LIAT1: variants seen among roughly 807,000 people sequenced by gnomAD.
The protein encoded by LIAT1 is ligand of ATE1, also known as protein LIAT1.
the LIAT1 span, among the ~76,000 whole-genome samples, chr17:411,493 C>T: frequency 6.6e-6 from 1 of 152,260 alleles, no homozygotes; most frequent in African/African-American, 2.4e-5. Context: ...ATGATCGCAC[C>T]ATTGCACTCC....
the LIAT1 span, chr17:410,618 G>T: frequency 6.5e-7 from 1 of 1,543,284 alleles, no homozygotes. Context: ...AAAGGAAGAA[G>T]AAGACCAAGG....
the LIAT1 span, among the ~76,000 whole-genome samples, chr17:411,821 G>A: frequency 6.6e-6 from 1 of 152,184 alleles, no homozygotes; most frequent in Non-Finnish European, 1.5e-5. Context: ...GAGAATGCAG[G>A]TGCCCGTGAG....
the LIAT1 span, among the ~76,000 whole-genome samples, chr17:412,716 C>T: frequency 6.6e-6 from 1 of 152,196 alleles, no homozygotes; most frequent in Admixed American, 6.5e-5. Context: ...GAGTCACAGA[C>T]TCCCAGAACT....
chr17:410,728 G>T, the LIAT1 span: 2 of 1,346,170 alleles, frequency 1.5e-6, no homozygotes. Flanking sequence ...TTACCCTTCA[G>T]ACCGGAAACA....
the LIAT1 span, chr17:413,050 C>A: frequency 6.9e-7 from 1 of 1,451,282 alleles, no homozygotes; most frequent in Non-Finnish European, 9.3e-7. Flanking sequence ...CGGAGGGGCC[C>A]CCATCCTCCT....
the LIAT1 span, chr17:413,378 C>A: frequency 6.2e-7 from 1 of 1,614,224 alleles, no homozygotes; most frequent in Non-Finnish European, 8.5e-7. Flanking sequence ...TCTTGCTGAC[C>A]CGGAGGCAGA....
chr17:410,505 G>A, the LIAT1 span: 1 of 1,545,108 alleles, frequency 6.5e-7, no homozygotes, highest in South Asian at 1.2e-5. Flanking sequence ...CGACGGCGAG[G>A]AGGAGGAGCG....
the LIAT1 span, among the ~76,000 whole-genome samples, chr17:411,598 C>G: frequency 2.6e-5 from 4 of 152,224 alleles, no homozygotes; most frequent in Admixed American, 6.5e-5. Flanking sequence ...CTAGTCTACA[C>G]ACACAGACTG....
At chr17:413,346 A>G in the LIAT1 span, 36 of 1,614,236 alleles carry the variant, frequency 2.2e-5, no homozygotes, top group Non-Finnish European at 2.7e-5. Flanking sequence ...CGGATCAACG[A>G]AAGTCTGCGT....
chr17:413,275 C>A, the LIAT1 span: 3 of 1,614,110 alleles, frequency 1.9e-6, no homozygotes, highest in African/African-American at 4.0e-5. Context: ...AGAAGCACCT[C>A]CCTTCTGACT....
chr17:411,148 G>A, the LIAT1 span, among the ~76,000 whole-genome samples: 1 of 152,192 alleles, frequency 6.6e-6, no homozygotes, highest in Admixed American at 6.5e-5. Flanking sequence ...CACACCCACA[G>A]ACGTGTGTAT....
chr17:413,402 C>T, the LIAT1 span: 27 of 1,614,240 alleles, frequency 1.7e-5, no homozygotes, highest in Admixed American at 5.0e-5. Flanking sequence ...GGAAAGGATT[C>T]GCATCTATAA....
At chr17:413,492 C>G in the LIAT1 span, 14 of 1,484,200 alleles carry the variant, frequency 9.4e-6, no homozygotes, top group South Asian at 1.2e-5. Flanking sequence ...GGGCTTCCAC[C>G]CCGACCCCGA....
chr17:410,350 C>T, the LIAT1 span: 9 of 1,483,444 alleles, frequency 6.1e-6, no homozygotes, highest in South Asian at 1.4e-5. Context: ...GCCATGGAGA[C>T]GCGTGGCCCT....
the LIAT1 span, chr17:413,729 C>A: frequency 6.3e-7 from 1 of 1,591,636 alleles, no homozygotes. Context: ...CAAGGGCTTC[C>A]ACCCCGACCC....
chr17:414,423 A>G, the LIAT1 span: 1 of 330,368 alleles, frequency 3.0e-6, no homozygotes, highest in Non-Finnish European at 5.6e-6. This position sits in a 1 kb window ranked among gnomAD's most constrained non-coding sequence, Gnocchi z 4.1. Flanking sequence ...AAGAAAAGAA[A>G]GCGTGTAGAT....
the LIAT1 span, among the ~76,000 whole-genome samples, chr17:412,068 G>C: frequency 8.4e-4 from 128 of 152,352 alleles, no homozygotes; most frequent in African/African-American, 3.0e-3. Context: ...TGCAGTTCAG[G>C]TCAAGAAGCC....
the LIAT1 span, among the ~76,000 whole-genome samples, chr17:411,935 C>G: frequency 7.0e-3 from 1,064 of 152,328 alleles, 11 homozygotes; most frequent in African/African-American, 0.024. Context: ...TGTGGCAGAG[C>G]TGGCACCAAG....
chr17:411,785 TGAG>T, the LIAT1 span, among the ~76,000 whole-genome samples: 1 of 152,110 alleles, frequency 6.6e-6, no homozygotes, highest in Non-Finnish European at 1.5e-5. Context: ...GCACCCACTT[TGAG>T]GAGAGAGAGC....
Sources: gnomAD v4.1 joint callset for allele counts (sites outside exome capture counted in the v4.1 genomes callset) on GRCh38, gnomAD v4.1.1 for gene constraint, Gnocchi (gnomAD v3.1) non-coding constraint, MANE v1.5 for transcripts, NCBI Gene and HGNC (gene_info 2026-07-23, HGNC 2026-07-21) for gene names.